ARNT: variants seen among roughly 807,000 people sequenced by gnomAD.
ARNT encodes the protein class E basic helix-loop-helix protein 2.
Under a neutral mutation model 105.0 loss-of-function variants are expected in ARNT, and 30 were observed. The ratio of observed to expected loss-of-function variants is 0.29; its 90% CI spans 0.21 to 0.39. The LOEUF is 0.39. ARNT is among the 10% of genes least tolerant of loss of function. ARNT has a pLI of 1.00. For synonymous variants in ARNT, 304 were observed against 344.0 expected (o/e 0.88, Z 1.29); for missense variants, 748 against 978.7 (o/e 0.76, Z 3.15).
intron 7 of ARNT, among the ~76,000 whole-genome samples, chr1:150,836,000 G>T (rs1308601379): frequency 6.7e-6 from 1 of 150,082 alleles, no homozygotes; most frequent in African/African-American, 2.4e-5. Flanking sequence ...CTTTTAGAAC[G>T]GAAAAAAAAA....
intron 1 of ARNT, 68 bp from the exon 2 acceptor site, chr1:150,858,528 G>A: frequency 7.9e-7 from 1 of 1,259,124 alleles, no homozygotes; most frequent in South Asian, 1.3e-5. Context: ...GTATCATCAA[G>A]TTAGCTAAAA....
At chr1:150,832,102 A>G (rs1659457825) in intron 9 of ARNT, among the ~76,000 whole-genome samples, 199 bp from the exon 10 acceptor site, 1 of 152,186 alleles carries the variant, frequency 6.6e-6, no homozygotes, top group African/African-American at 2.4e-5. Flanking sequence ...GTAGGAGGAA[A>G]GTAGGTAAAA....
intron 4 of ARNT, 109 bp downstream of exon 4, chr1:150,846,154 G>C (rs778342133): frequency 9.0e-5 from 77 of 853,366 alleles, no homozygotes; most frequent in African/African-American, 1.9e-4. Flanking sequence ...ATATTAAACA[G>C]AGAAATTCCG....
chr1:150,870,673 A>G (rs1459814383), intron 1 of ARNT, among the ~76,000 whole-genome samples: 1 of 151,702 alleles, frequency 6.6e-6, no homozygotes, highest in East Asian at 1.9e-4. Context: ...CACCCTGCTA[A>G]TTTTTTGTAT....
intron 14 of ARNT, among the ~76,000 whole-genome samples, chr1:150,822,968 G>A (rs1657417768): frequency 6.6e-6 from 1 of 152,102 alleles, no homozygotes; most frequent in South Asian, 2.1e-4. Context: ...CCAGGCTGGA[G>A]TGCAGTGGCA....
chr1:150,829,958 GTCA>G lies in ARNT; in HGVS notation c.975_977del (p.Asp326del). ...ACTTGCTTCCCTGGCCAGCCTCTGGGTCATCATCTGGGAGGGAAACACCTTCAG... is the reference window on the plus strand; with the variant it reads ...ACTTGCTTCCCTGGCCAGCCTCTGGGTCATCTGGGAGGGAAACACCTTCAG... On this transcript the variant is annotated inframe_deletion, in exon 11 of 22. Transcript: ENST00000358595. 6.2e-7 allele frequency: 1 copy of G among 1,614,200 alleles called. No homozygotes were observed.
intron 2 of ARNT, among the ~76,000 whole-genome samples, chr1:150,857,409 A>G (rs899047239): frequency 1.3e-5 from 2 of 152,232 alleles, no homozygotes; most frequent in African/African-American, 4.8e-5. Flanking sequence ...TTACAATCTT[A>G]GAAAGTTACT....
At chr1:150,859,057 T>C (rs1455638522) in intron 1 of ARNT, among the ~76,000 whole-genome samples, 1 of 149,808 alleles carries the variant, frequency 6.7e-6, no homozygotes, top group Non-Finnish European at 1.5e-5. Flanking sequence ...TATACTAATA[T>C]TGTATAGACT....
intron 1 of ARNT, among the ~76,000 whole-genome samples, chr1:150,867,450 T>A (rs1571517726): frequency 6.6e-6 from 1 of 150,694 alleles, no homozygotes; most frequent in African/African-American, 2.4e-5. Context: ...CTCAGGTTGC[T>A]GAAGTGGGAG....
At chr1:150,844,971 G>A (rs1206871907) in intron 4 of ARNT, among the ~76,000 whole-genome samples, 6 of 151,956 alleles carry the variant, frequency 3.9e-5, no homozygotes, top group East Asian at 1.9e-4. Context: ...CATGATGCCC[G>A]GCTAATTTTT....
chr1:150,825,612 A>T (rs1344774360), intron 13 of ARNT, among the ~76,000 whole-genome samples: 2 of 152,126 alleles, frequency 1.3e-5, no homozygotes, highest in African/African-American at 4.8e-5. Context: ...GCACCTTGGG[A>T]GGCTGAGGTG....
At chr1:150,817,806 TC>T (rs1656225860) in intron 15 of ARNT, 113 bp downstream of exon 15, 2 of 760,268 alleles carry the variant, frequency 2.6e-6, no homozygotes, top group Non-Finnish European at 4.0e-6. Flanking sequence ...AGAGCAAAAC[TC>T]CTTCTCAAAA....
At chr1:150,813,810 G>A in intron 20 of ARNT, among the ~76,000 whole-genome samples, 1 of 151,894 alleles carries the variant, frequency 6.6e-6, no homozygotes, top group Non-Finnish European at 1.5e-5. Flanking sequence ...ACACCCGGTA[G>A]AGACAGGGTT....
intron 8 of ARNT, 29 bp downstream of exon 8, chr1:150,834,509 C>T (rs1383119753): frequency 6.2e-7 from 1 of 1,604,830 alleles, no homozygotes; most frequent in African/African-American, 1.3e-5. Flanking sequence ...CTTCCTATAC[C>T]AAATCACAAT....
intron 1 of ARNT, 115 bp from the exon 2 acceptor site, chr1:150,858,575 G>A (rs1665035455): frequency 2.5e-6 from 2 of 808,760 alleles, no homozygotes; most frequent in Admixed American, 5.5e-5. Context: ...TCAGCAGTTT[G>A]CTAAAAATCC....
At chr1:150,827,935 T>A (rs1026243339) in intron 12 of ARNT, among the ~76,000 whole-genome samples, 1 of 152,198 alleles carries the variant, frequency 6.6e-6, no homozygotes, top group African/African-American at 2.4e-5. Flanking sequence ...TTGAGCATCT[T>A]TTCATGTGCA....
At chr1:150,860,218 CTT>C (rs756996050) in intron 1 of ARNT, among the ~76,000 whole-genome samples, 14 of 112,960 alleles carry the variant, frequency 1.2e-4, no homozygotes, top group Admixed American at 4.2e-4. Flanking sequence ...AAAAAAAATT[CTT>C]TTTTTTTTTT....
chr1:150,829,541 A>C (rs2101818795), intron 11 of ARNT: 1 of 590,110 alleles, frequency 1.7e-6, no homozygotes, highest in South Asian at 1.5e-5. Context: ...CAAGAAACTT[A>C]TCTATACTTA....
intron 14 of ARNT, among the ~76,000 whole-genome samples, chr1:150,822,035 T>C (rs915750709): frequency 1.3e-5 from 2 of 151,954 alleles, no homozygotes; most frequent in African/African-American, 2.4e-5. Flanking sequence ...TGTTGTATGG[T>C]AGTAAATGAT....
Sources: gnomAD v4.1 joint callset for allele counts (sites outside exome capture counted in the v4.1 genomes callset) on GRCh38, gnomAD v4.1.1 for gene constraint, MANE v1.5 for transcripts, NCBI Gene and HGNC (gene_info 2026-07-23, HGNC 2026-07-21) for gene names.